The following MAD1L1 variants were observed in gnomAD, a reference collection of about 807,000 sequenced individuals.
MAD1L1 encodes the protein mitotic spindle assembly checkpoint protein MAD1.
A neutral mutation model predicts 96.9 loss-of-function variants in MAD1L1; 95 were observed. That is an observed-to-expected ratio of 0.98 (90% confidence interval 0.83 to 1.16). The LOEUF is 1.16. Among genes scored for constraint, MAD1L1 ranks in the 50% most tolerant of loss-of-function variants. The pLI, the probability that MAD1L1 is intolerant of heterozygous loss-of-function variation, is 0.00. For missense variants in MAD1L1, 1,007 were observed against 954.4 expected (o/e 1.06, Z -0.73); for synonymous variants, 473 against 396.6 (o/e 1.19, Z -2.29).
In MAD1L1 at chr7:2,112,863, G is replaced by GAA. The variant is rs34896625; in HGVS notation, c.1073+36287_1073+36288dup. On this transcript the variant is annotated intron_variant, in intron 11 of 18. Coordinates refer to ENST00000265854, the MANE Select transcript of MAD1L1 (RefSeq NM_001013836.2). ...AGCATCCTGCAGTGCCAGATAGTTT[G>GAA]AAAAAAAAAAAAGGCTTTAAAAAAA... is the stretch of plus-strand genomic sequence containing the variant. Among the ~76,000 whole-genome samples the GAA allele has an allele frequency of 8.4e-4, 115 of 137,618 alleles. 1 individual carries two copies. The highest frequency in any genetic ancestry group is 2.7e-3 in the African/African-American group (103 of 37,554). 90.3% of individuals were successfully genotyped at this position (137,618 alleles called of 152,430 possible). A position where few individuals can be genotyped will look rare whatever the true frequency, so the allele number is the denominator to read the frequency against.
intron 13 of MAD1L1, among the ~76,000 whole-genome samples, chr7:2,013,548 C>T (rs1782396065): frequency 6.6e-6 from 1 of 152,242 alleles, no homozygotes; most frequent in African/African-American, 2.4e-5. Context: ...ACGGCACCCA[C>T]TCCATAGGAT....
Position 2,232,889 on chromosome 7 carries a change from A to T in MAD1L1, c.-207T>A, listed in dbSNP as rs1794289539. On this transcript the variant is annotated 5_prime_UTR_variant, in exon 1 of 19. Transcript: ENST00000265854. ...CCGCTTACCTCAGCCGCTCGCAGCC[A>T]GCTTGCCGCCGCCGCTCGGATCTCC... The T allele has an allele frequency of 6.6e-6, 1 of 152,152 alleles. No individual in the cohort carries two copies. Among genetic ancestry groups the T allele is most frequent in the Non-Finnish European group, 1.5e-5 (1 of 68,054 alleles). The allele number at this position is 152,152 out of a possible 1,614,324, so 9.4% of individuals were successfully genotyped here.
intron 12 of MAD1L1, among the ~76,000 whole-genome samples, chr7:2,020,183 G>C (rs1464100795): frequency 2.0e-5 from 3 of 152,194 alleles, no homozygotes; most frequent in African/African-American, 7.2e-5. Flanking sequence ...CCCGGGGTCA[G>C]CGCCCAGCCC....
At chr7:1,889,708 A>G (rs1199881668) in intron 18 of MAD1L1, among the ~76,000 whole-genome samples, 1 of 152,224 alleles carries the variant, frequency 6.6e-6, no homozygotes, top group Non-Finnish European at 1.5e-5. Context: ...CTCATGCAGG[A>G]CCTGGGCCAC....
intron 17 of MAD1L1, among the ~76,000 whole-genome samples, chr7:1,922,545 C>T (rs902018219): frequency 1.3e-5 from 2 of 152,226 alleles, no homozygotes; most frequent in Non-Finnish European, 2.9e-5. Context: ...TCGCTCGACT[C>T]GTTTTTATCT....
chr7:2,102,272 TATCACCACCACCACC>T (rs1786826385), intron 11 of MAD1L1, among the ~76,000 whole-genome samples: 1 of 86,096 alleles, frequency 1.2e-5, no homozygotes, highest in African/African-American at 4.6e-5. Flanking sequence ...CCACCATCAC[TATCACCACCACCACC>T]GCCACTGTCA....
At chr7:2,138,854 C>T (rs1295558432) in intron 11 of MAD1L1, among the ~76,000 whole-genome samples, 2 of 152,336 alleles carry the variant, frequency 1.3e-5, no homozygotes, top group African/African-American at 2.4e-5. Flanking sequence ...GCAAACAATG[C>T]CGCCATTCCC....
At chr7:1,903,051 T>C (rs73048138) in intron 17 of MAD1L1, among the ~76,000 whole-genome samples, 5,035 of 146,834 alleles carry the variant, frequency 0.034, 193 homozygotes, top group Admixed American at 0.098. Context: ...CAGTGGCCTA[T>C]GGAAGACACT....
At chr7:1,845,007 G>C (rs972112713) in intron 18 of MAD1L1, among the ~76,000 whole-genome samples, 1 of 152,224 alleles carries the variant, frequency 6.6e-6, no homozygotes, top group African/African-American at 2.4e-5. Context: ...TGAGCCCGAG[G>C]CTCCTGGACT....
intron 18 of MAD1L1, among the ~76,000 whole-genome samples, chr7:1,824,515 G>A (rs1305198447): frequency 2.0e-5 from 3 of 152,276 alleles, no homozygotes; most frequent in East Asian, 3.9e-4. Context: ...GTGCCCTGGC[G>A]CCATCGGATG....
intron 1 of MAD1L1, among the ~76,000 whole-genome samples, chr7:2,232,121 C>T (rs545707726): frequency 6.6e-6 from 1 of 152,356 alleles, no homozygotes; most frequent in Non-Finnish European, 1.5e-5. Context: ...AACACCGGCG[C>T]TTACTATGGG....
rs536867349 is a variant in MAD1L1 at position 1,968,313 on chromosome 7, C to T, written c.1506-10594G>A. Among the ~76,000 whole-genome samples, 5 of 146,812 alleles carry T rather than the reference C, an allele frequency of 3.4e-5. No homozygotes were observed. Among genetic ancestry groups the T allele is most frequent in the East Asian group, 2.1e-4 (1 of 4,802 alleles). On this transcript the variant is annotated intron_variant, in intron 15 of 18. Transcript: ENST00000265854. The surrounding 1 kb of genome is among the most constrained non-coding windows in gnomAD (Gnocchi z 5.6). Reference sequence around the variant, plus strand: ...GTCCAGCGGTCAGGTCCACTGTCAACGCCTCAGTCTGGTGGTCAGGTCAAC... The same window carrying T: ...GTCCAGCGGTCAGGTCCACTGTCAATGCCTCAGTCTGGTGGTCAGGTCAAC...
chr7:2,224,874 G>A (rs910220339), intron 4 of MAD1L1, among the ~76,000 whole-genome samples: 1 of 152,080 alleles, frequency 6.6e-6, no homozygotes, highest in African/African-American at 2.4e-5. Context: ...CCTTTGCTAG[G>A]GCCCTCCAAC....
At chr7:2,005,563 G>T (rs1781996225) in intron 13 of MAD1L1, among the ~76,000 whole-genome samples, 1 of 152,206 alleles carries the variant, frequency 6.6e-6, no homozygotes, top group Non-Finnish European at 1.5e-5. Flanking sequence ...CATTTAGGGA[G>T]GCCAAGGCAG....
intron 14 of MAD1L1, among the ~76,000 whole-genome samples, chr7:1,990,672 C>T (rs1477207167): frequency 6.6e-6 from 1 of 152,268 alleles, no homozygotes; most frequent in Non-Finnish European, 1.5e-5. Flanking sequence ...GAACCGGGGC[C>T]TCACCACCAG....
rs182652131 is a variant in MAD1L1, at chr7:2,085,421, G to A, written c.1074-16083C>T. The stretch of plus-strand genomic sequence containing the variant: ...CATGTAGCTGTCCCTGCCTGCAGCC[G>A]CCATTGCCTCTCGGCCACCTGGTTC... On this transcript the variant is annotated intron_variant, in intron 11 of 18. Transcript: ENST00000265854. 7.4e-4 allele frequency among the ~76,000 whole-genome samples: 113 copies of A among 152,294 alleles called. 1 individual carries two copies. In the South Asian group the frequency reaches 0.013, roughly 18 times the overall value.
chr7:1,841,595 C>T (rs1380072038), intron 18 of MAD1L1, among the ~76,000 whole-genome samples: 1 of 152,260 alleles, frequency 6.6e-6, no homozygotes, highest in Non-Finnish European at 1.5e-5. Context: ...CAGAGCCTCC[C>T]AGGTGAGTGG....
intron 11 of MAD1L1, among the ~76,000 whole-genome samples, chr7:2,077,108 G>C (rs192184619): frequency 1.3e-5 from 2 of 151,760 alleles, no homozygotes; most frequent in Admixed American, 6.6e-5. Context: ...GCGGCATGGT[G>C]AGCCCGAGAT....
At chr7:2,013,786 G>A (rs1431286395) in intron 13 of MAD1L1, among the ~76,000 whole-genome samples, 1 of 152,244 alleles carries the variant, frequency 6.6e-6, no homozygotes, top group African/African-American at 2.4e-5. Flanking sequence ...CCCGGCCCCA[G>A]TGTAGATGAG....
Sources: gnomAD v4.1 joint callset for allele counts (sites outside exome capture counted in the v4.1 genomes callset) on GRCh38, gnomAD v4.1.1 for gene constraint, Gnocchi (gnomAD v3.1) non-coding constraint, MANE v1.5 for transcripts, NCBI Gene and HGNC (gene_info 2026-07-23, HGNC 2026-07-21) for gene names.